Variants in ARHGAP40 observed in about 807,000 individuals in gnomAD.
The protein encoded by ARHGAP40 is rho GTPase-activating protein 40.
Under a neutral mutation model 73.5 loss-of-function variants are expected in ARHGAP40, and 43 were observed. That is an observed-to-expected ratio of 0.58 (90% CI 0.46 to 0.75). The LOEUF is 0.75. Among genes scored for constraint, ARHGAP40 ranks in the 30% least tolerant of loss-of-function variants. The pLI is 0.00. For synonymous variants in ARHGAP40, 300 were observed against 352.8 expected (o/e 0.85, Z 1.68); for missense variants, 734 against 861.8 (o/e 0.85, Z 1.86).
intron 1 of ARHGAP40, among the ~76,000 whole-genome samples, chr20:38,610,272 G>A (rs921733666): frequency 2.0e-5 from 3 of 151,856 alleles, no homozygotes; most frequent in Non-Finnish European, 1.5e-5. Flanking sequence ...AAACCAGCTA[G>A]GAAGATGTTA....
Position 38,627,287 on chromosome 20 carries a change from T to C in ARHGAP40, c.558+72T>C, listed in dbSNP as rs143750519. The C allele has an allele frequency of 5.9e-5, 74 of 1,251,200 alleles. No individual in the cohort carries two copies. The African/African-American group carries it at 1.1e-3, about 18-fold the overall frequency. The allele number at this position is 1,251,200 out of a possible 1,614,324, so 77.5% of individuals were successfully genotyped here. On this transcript the variant is annotated intron_variant, in intron 3 of 14. Coordinates refer to ENST00000373345, the Ensembl canonical transcript of ARHGAP40. ...TGTGCTGCCGCCACAGCCTGAGAGA[T>C]GCAGTGATCCTGCTGAAGGGCTGTG...
intron 10 of ARHGAP40, among the ~76,000 whole-genome samples, chr20:38,643,150 AAAAAAAAAC>A (rs2089029398): frequency 6.7e-6 from 1 of 150,174 alleles, no homozygotes; most frequent in East Asian, 1.9e-4. Flanking sequence ...TGACTCAAAA[AAAAAAAAAC>A]AAAAAACAAA....
rs2088903731 is a variant in ARHGAP40, at chr20:38,627,231, G to A, written c.558+16G>A. The A allele has an allele frequency of 1.5e-6, 2 of 1,303,246 alleles. No homozygotes were observed. Among genetic ancestry groups the A allele is most frequent in the Non-Finnish European group, 2.0e-6 (2 of 987,364 alleles). 80.7% of individuals were successfully genotyped at this position (1,303,246 alleles called of 1,614,324 possible). ...CAATTCAGGGGTAAGTGGCATATGGGTCATTGCAGGCCCCGTCTGACTGGG... is the reference window on the plus strand; with the variant it reads ...CAATTCAGGGGTAAGTGGCATATGGATCATTGCAGGCCCCGTCTGACTGGG... On this transcript the variant is annotated intron_variant, in intron 3 of 14. Coordinates refer to ENST00000373345, the Ensembl canonical transcript of ARHGAP40.
chr20:38,623,882 A>G (rs1325302346), intron 2 of ARHGAP40, among the ~76,000 whole-genome samples: 3 of 152,234 alleles, frequency 2.0e-5, no homozygotes, highest in Non-Finnish European at 4.4e-5. Context: ...AACACAAAAC[A>G]GTCTCCTATA....
intron 2 of ARHGAP40, among the ~76,000 whole-genome samples, chr20:38,625,975 G>A (rs1246919453): frequency 6.6e-6 from 1 of 152,180 alleles, no homozygotes; most frequent in Non-Finnish European, 1.5e-5. Context: ...TACATTTCAA[G>A]AAACAGTGGC....
At chr20:38,606,270 TG>T (rs1322749161) in intron 1 of ARHGAP40, among the ~76,000 whole-genome samples, 4 of 152,260 alleles carry the variant, frequency 2.6e-5, no homozygotes, top group Non-Finnish European at 5.9e-5. Flanking sequence ...TTTTCTCTTT[TG>T]GTTGCTATTA....
intron 1 of ARHGAP40, among the ~76,000 whole-genome samples, chr20:38,611,014 C>T (rs746721094): frequency 3.3e-5 from 5 of 151,666 alleles, no homozygotes; most frequent in Non-Finnish European, 4.4e-5. Context: ...CTCAGCCTTC[C>T]GAGTAGCTGG....
At chr20:38,637,991 T>A (rs1021864128) in intron 7 of ARHGAP40, among the ~76,000 whole-genome samples, 192 bp downstream of exon 7, 6 of 152,000 alleles carry the variant, frequency 3.9e-5, no homozygotes, top group Middle Eastern at 6.8e-3. Flanking sequence ...GTTGTTGTTG[T>A]TGATGTTGTT....
In ARHGAP40 at chr20:38,627,092, C is replaced by T. The variant is rs921242660; in HGVS notation, c.435C>T (p.Thr145=). The T allele has an allele frequency of 2.3e-6, 3 of 1,305,420 alleles. No individual in the cohort carries two copies. The East Asian group carries it at 1.7e-4, about 72-fold the overall frequency. 80.9% of individuals were successfully genotyped at this position (1,305,420 alleles called of 1,614,324 possible). ...GTGATCACCAGGAGCTCCTGTCCAC[C>T]CTGACACAGACCCAGGTGGCCGCTG... The change falls in exon 3 of 15, where the codon ACC becomes ACT. Residue 145 remains threonine, a synonymous_variant. Transcript: ENST00000373345.
At position 38,646,118 on chromosome 20, in the gene ARHGAP40, C is replaced by T. The variant is rs918022971; in HGVS notation, c.1641C>T (p.Asp547=). The change falls in exon 12 of 15, where the codon GAC becomes GAT. Residue 547 remains aspartate (D), a synonymous_variant. Coordinates refer to ENST00000373345, the Ensembl canonical transcript of ARHGAP40. The surrounding 1 kb of genome is among the most constrained non-coding windows in gnomAD (Gnocchi z 4.5). ...GCAGCAGGCGCCCCCAGCTCTGCGA[C>T]GCAGGCCTCAAGACTTGGCTGCGGA... The T allele has an allele frequency of 7.4e-5, 97 of 1,304,096 alleles. No homozygotes were observed. Among genetic ancestry groups the T allele is most frequent in the Admixed American group, 5.7e-4 (25 of 43,558 alleles). The allele number at this position is 1,304,096 out of a possible 1,614,324, so 80.8% of individuals were successfully genotyped here.
At chr20:38,634,005 T>A (rs943855989) in intron 5 of ARHGAP40, among the ~76,000 whole-genome samples, 3 of 152,226 alleles carry the variant, frequency 2.0e-5, no homozygotes, top group Non-Finnish European at 4.4e-5. Flanking sequence ...GGCTTCGCTA[T>A]GTGCTTGGGA....
chr20:38,635,474 G>T (rs1169621382), intron 6 of ARHGAP40, among the ~76,000 whole-genome samples: 2 of 151,976 alleles, frequency 1.3e-5, no homozygotes, highest in Non-Finnish European at 2.9e-5. Flanking sequence ...GACCAGCATG[G>T]GTGACATAGT....
chr20:38,601,964 C>T (rs2088736647), exon 1 of ARHGAP40: 9 of 1,287,976 alleles, frequency 7.0e-6, no homozygotes, highest in Non-Finnish European at 9.1e-6. Context: ...TGCCCTCCTC[C>T]CCGCCGCCCA....
At chr20:38,606,686 G>A (rs1292871860) in intron 1 of ARHGAP40, among the ~76,000 whole-genome samples, 1 of 151,950 alleles carries the variant, frequency 6.6e-6, no homozygotes, top group Non-Finnish European at 1.5e-5. Context: ...TCAATAATGG[G>A]TTAAATGACT....
intron 1 of ARHGAP40, among the ~76,000 whole-genome samples, chr20:38,605,920 T>G (rs1247736009): frequency 1.3e-5 from 2 of 152,282 alleles, no homozygotes; most frequent in African/African-American, 4.8e-5. Flanking sequence ...AGAGTCTTGC[T>G]CTATTGACCA....
At chr20:38,613,885 T>G (rs2088818228) in intron 1 of ARHGAP40, among the ~76,000 whole-genome samples, 1 of 152,216 alleles carries the variant, frequency 6.6e-6, no homozygotes, top group Non-Finnish European at 1.5e-5. Context: ...CGAGCATCGT[T>G]TAATAATTCA....
At chr20:38,628,941 G>A (rs545515793) in exon 4 of ARHGAP40, 1 of 1,304,920 alleles carries the variant, frequency 7.7e-7, no homozygotes, top group South Asian at 1.2e-5. Flanking sequence ...TGTCGTCAGA[G>A]AATGGCGACT....
At chr20:38,623,398 G>A (rs2088883701) in exon 2 of ARHGAP40, 1 of 1,290,782 alleles carries the variant, frequency 7.7e-7, no homozygotes, top group African/African-American at 1.5e-5. Context: ...AGCTTCCCCA[G>A]AAGAATCTCC....
At chr20:38,641,912 C>A in intron 10 of ARHGAP40, 104 bp downstream of exon 10, 2 of 923,646 alleles carry the variant, frequency 2.2e-6, no homozygotes, top group Non-Finnish European at 1.4e-6. Context: ...AACAACTCTG[C>A]CAGGTGCTAG....
Sources: gnomAD v4.1 joint callset for allele counts (sites outside exome capture counted in the v4.1 genomes callset) on GRCh38, gnomAD v4.1.1 for gene constraint, Gnocchi (gnomAD v3.1) non-coding constraint, MANE v1.5 for transcripts, NCBI Gene and HGNC (gene_info 2026-07-23, HGNC 2026-07-21) for gene names.